Variants in KLF12 observed in about 807,000 individuals in gnomAD.
KLF12 encodes the protein KLF transcription factor 12.
Under a neutral mutation model 37.8 loss-of-function variants are expected in KLF12, and 9 were observed. That is an observed-to-expected ratio of 0.24 (90% confidence interval 0.14 to 0.42). KLF12 has a LOEUF of 0.42. Among genes scored for constraint, KLF12 ranks in the 10% least tolerant of loss-of-function variants. The probability of loss-of-function intolerance (pLI) is 1.00; values close to 1 mark genes in which losing one functional copy is unlikely to be tolerated. For missense variants in KLF12, 411 were observed against 516.0 expected, an observed-to-expected ratio of 0.80 and a Z score of 1.97; for synonymous variants, 208 against 202.1, an observed-to-expected ratio of 1.03 and a Z score of -0.25.
intron 5 of KLF12, among the ~76,000 whole-genome samples, chr13:73,808,357 T>C (rs1478897142): frequency 3.3e-5 from 5 of 152,146 alleles, no homozygotes; most frequent in Admixed American, 6.6e-5. Flanking sequence ...TTCCAATTTA[T>C]CTAAATTTAC....
chr13:74,006,638 A>G (rs1262993732), intron 1 of KLF12, among the ~76,000 whole-genome samples: 1 of 152,208 alleles, frequency 6.6e-6, no homozygotes, highest in African/African-American at 2.4e-5. Context: ...CAAGAACTCA[A>G]AACTGAAGTC....
At chr13:74,169,497 A>G in the KLF12 span, among the ~76,000 whole-genome samples, 11 of 152,350 alleles carry the variant, frequency 7.2e-5, no homozygotes, top group Non-Finnish European at 1.5e-4. Flanking sequence ...TAATACAGAG[A>G]GCAATTGTGA....
intron 3 of KLF12, among the ~76,000 whole-genome samples, chr13:73,856,002 T>C (rs544382403): frequency 1.2e-4 from 19 of 152,338 alleles, no homozygotes; most frequent in African/African-American, 4.1e-4. Flanking sequence ...AAGGCTGTTG[T>C]AATGGGCCCT....
chr13:74,252,841 G>A, the KLF12 span, among the ~76,000 whole-genome samples: 2 of 151,500 alleles, frequency 1.3e-5, no homozygotes, highest in African/African-American at 2.4e-5. Context: ...AAACAAATAC[G>A]TTAGAAGTTC....
At chr13:74,284,880 C>A in the KLF12 span, among the ~76,000 whole-genome samples, 1 of 152,202 alleles carries the variant, frequency 6.6e-6, no homozygotes, top group South Asian at 2.1e-4. Flanking sequence ...TATGCAACAT[C>A]CCATATCCTA....
At chr13:74,265,985 C>T in the KLF12 span, among the ~76,000 whole-genome samples, 1 of 152,166 alleles carries the variant, frequency 6.6e-6, no homozygotes. Flanking sequence ...ATGGGGAAGA[C>T]AGATGGGTCT....
At chr13:74,151,235 A>AT in the KLF12 span, among the ~76,000 whole-genome samples, 1 of 152,210 alleles carries the variant, frequency 6.6e-6, no homozygotes, top group South Asian at 2.1e-4. Context: ...GGATGAAGAA[A>AT]TGTCATTTGG....
intron 6 of KLF12, among the ~76,000 whole-genome samples, chr13:73,738,022 A>ACACACACACACACACAC (rs1566330814): frequency 1.1e-5 from 1 of 92,382 alleles, no homozygotes; most frequent in Non-Finnish European, 2.1e-5. Context: ...TCATTCAACA[A>ACACACACACACACACAC]ACACACACAC....
At chr13:73,727,085 C>T (rs1203385023) in intron 6 of KLF12, among the ~76,000 whole-genome samples, 1 of 151,834 alleles carries the variant, frequency 6.6e-6, no homozygotes, top group Non-Finnish European at 1.5e-5. Flanking sequence ...TGTATACCTT[C>T]TCTGGAGAAA....
intron 3 of KLF12, among the ~76,000 whole-genome samples, chr13:73,855,787 G>A (rs1033393627): frequency 6.6e-6 from 1 of 151,920 alleles, no homozygotes; most frequent in African/African-American, 2.4e-5. Flanking sequence ...AAGCCATTCT[G>A]ACTGGTATGA....
At position 73,708,508 on chromosome 13, in the gene KLF12, CA is replaced by C. The variant is rs759438067; in HGVS notation, c.1027+6859del. Among the ~76,000 whole-genome samples the C allele has an allele frequency of 1.4e-4, 22 of 152,196 alleles. No homozygotes were observed. In the East Asian group the frequency reaches 3.9e-3, roughly 27 times the overall value. On this transcript the variant is annotated intron_variant, in intron 7 of 7. Coordinates refer to ENST00000377669, the MANE Select transcript of KLF12 (RefSeq NM_007249.5). ...TGTTCCATTTTAATGTCATGTCATA[CA>C]TACTGTTAGAGTTCTAGTTTCTCTT...
chr13:74,261,490 A>G, the KLF12 span, among the ~76,000 whole-genome samples: 5 of 152,306 alleles, frequency 3.3e-5, no homozygotes, highest in Admixed American at 3.3e-4. Context: ...CAAATTGGGT[A>G]AAAGCCTGCT....
chr13:74,064,347 T>C (rs1566194843), intron 1 of KLF12, among the ~76,000 whole-genome samples: 1 of 152,224 alleles, frequency 6.6e-6, no homozygotes, highest in Admixed American at 6.5e-5. Flanking sequence ...ATGTAGCAGG[T>C]ATTACATATG....
intron 1 of KLF12, among the ~76,000 whole-genome samples, chr13:74,105,636 G>A (rs1672168418): frequency 6.6e-6 from 1 of 152,046 alleles, no homozygotes; most frequent in African/African-American, 2.4e-5. Context: ...TGAATTCTTG[G>A]ATTCACTGAA....
chr13:73,854,860 C>A (rs1281493386), intron 3 of KLF12, among the ~76,000 whole-genome samples: 1 of 152,168 alleles, frequency 6.6e-6, no homozygotes, highest in Non-Finnish European at 1.5e-5. Context: ...GTTGAATCCG[C>A]AGATGTGGAA....
At chr13:73,998,514 G>T (rs989409818) in intron 1 of KLF12, among the ~76,000 whole-genome samples, 1 of 152,196 alleles carries the variant, frequency 6.6e-6, no homozygotes, top group Admixed American at 6.5e-5. Flanking sequence ...CTGTCTTCTA[G>T]ATTCAAGTTT....
At chr13:73,947,726 T>C (rs6562791) in intron 2 of KLF12, among the ~76,000 whole-genome samples, 134,487 of 150,574 alleles carry the variant, frequency 0.89, 60,316 homozygotes, top group Non-Finnish European at 0.94. Context: ...AACCATATAA[T>C]CACAACAGTC....
chr13:73,840,512 CA>C (rs1340988443), intron 4 of KLF12, among the ~76,000 whole-genome samples: 1 of 152,110 alleles, frequency 6.6e-6, no homozygotes, highest in Non-Finnish European at 1.5e-5. Context: ...CTCTCAACCC[CA>C]CTGTGCTCAT....
At chr13:74,304,638 A>G in the KLF12 span, among the ~76,000 whole-genome samples, 2 of 152,146 alleles carry the variant, frequency 1.3e-5, no homozygotes, top group Non-Finnish European at 2.9e-5. Context: ...AAAGGACGAT[A>G]ATTTCATGTA....
Sources: allele counts gnomAD v4.1 joint callset (sites outside exome capture counted in the v4.1 genomes callset), GRCh38; gene constraint gnomAD v4.1.1; transcripts MANE v1.5; gene names NCBI Gene and HGNC (gene_info 2026-07-23, HGNC 2026-07-21).